IQANK1: variants seen among roughly 807,000 people sequenced by gnomAD.
IQANK1 encodes IQ motif and ankyrin repeat containing 1.
A neutral mutation model predicts 22.6 loss-of-function variants in IQANK1; 30 were observed. The observed-to-expected ratio is 1.33, with a 90% CI of 0.99 to 1.80. IQANK1 has a LOEUF of 1.80. IQANK1 is among the 40% of genes most tolerant of loss of function. The pLI, the probability that IQANK1 is intolerant of heterozygous loss-of-function variation, is 0.00. For missense variants in IQANK1, 275 were observed against 235.2 expected (o/e 1.17, Z -1.11); for synonymous variants, 122 against 99.6 (o/e 1.23, Z -1.34).
At chr8:143,770,085 G>A (rs1353793214) in intron 3 of IQANK1, among the ~76,000 whole-genome samples, 3 of 152,246 alleles carry the variant, frequency 2.0e-5, no homozygotes, top group African/African-American at 7.2e-5. Flanking sequence ...CTGGGTGACA[G>A]AGTGAGACCC....
intron 3 of IQANK1, chr8:143,744,034 A>C (rs1554626990): frequency 1.3e-5 from 4 of 303,340 alleles, no homozygotes; most frequent in Non-Finnish European, 2.6e-5. Flanking sequence ...GGGTTTCACC[A>C]TGTTGGCCAG....
intron 3 of IQANK1, among the ~76,000 whole-genome samples, chr8:143,756,513 A>G (rs1489369565): frequency 2.0e-5 from 3 of 151,968 alleles, no homozygotes; most frequent in Non-Finnish European, 4.4e-5. Context: ...ATCTTCATTC[A>G]TGGTACTCGG....
At position 143,771,837 on chromosome 8, in the gene IQANK1, G is replaced by A; in HGVS notation, c.343G>A (p.Ala115Thr). 1 of 395,660 alleles carries A rather than the reference G, an allele frequency of 2.5e-6. No homozygotes were observed. The highest frequency in any genetic ancestry group is 4.5e-6 in the Non-Finnish European group (1 of 224,152). The allele number at this position is 395,660 out of a possible 1,614,324, so 24.5% of individuals were successfully genotyped here. Residue 115 changes from alanine (A) to threonine (T), a missense_variant, in exon 5 of 14, where the codon GCG (alanine) becomes ACG (threonine). Coordinates refer to ENST00000527139, the MANE Select transcript of IQANK1 (RefSeq NM_001381874.1). The surrounding 1 kb of genome is among the most constrained non-coding windows in gnomAD (Gnocchi z 6.0). ...TCCGGTGCGCCGGGAGCAGGAGGCC[G>A]CGCGGCGGCTGCGCGAGCAGGAGGA... ...LAPVRREQEA[A>T]RRLREQEEAA...
rs868946131 is a variant in IQANK1, at chr8:143,751,666, A to G, written c.175+11718A>G. On this transcript the variant is annotated intron_variant, in intron 3 of 13. Coordinates refer to ENST00000527139, the MANE Select transcript of IQANK1 (RefSeq NM_001381874.1). ...TGTGTGTGTGTGTGTGTGTGTGTGTATATATATATATAAAATCCTATACAA... is the reference window on the plus strand; with the variant it reads ...TGTGTGTGTGTGTGTGTGTGTGTGTGTATATATATATAAAATCCTATACAA... Among the ~76,000 whole-genome samples, 447 of 113,552 alleles carry G rather than the reference A, an allele frequency of 3.9e-3. 9 individuals carry two copies. Among genetic ancestry groups the G allele is most frequent in the African/African-American group, 0.014 (428 of 31,040 alleles). The allele number at this position is 113,552 out of a possible 152,430, so 74.5% of individuals were successfully genotyped here.
At chr8:143,751,658 G>GTATATATATATATATATATATATATATA (rs1325258601) in intron 3 of IQANK1, among the ~76,000 whole-genome samples, 5 of 38,834 alleles carry the variant, frequency 1.3e-4, no homozygotes, top group Admixed American at 4.0e-4. Context: ...GTGTGTGTGT[G>GTATATATATATATATATATATATATATA]TGTGTGTATA....
chr8:143,742,118 G>A (rs1358452209), intron 3 of IQANK1: 2 of 342,798 alleles, frequency 5.8e-6, no homozygotes, highest in Admixed American at 3.8e-5. Context: ...CTTTGAGCTC[G>A]GTGTTCCCTG....
chr8:143,783,900 G>C (rs1203766627), intron 7 of IQANK1, among the ~76,000 whole-genome samples: 1 of 152,184 alleles, frequency 6.6e-6, no homozygotes, highest in Admixed American at 6.5e-5. Context: ...TTATAGCTCT[G>C]TTCTGGGATC....
intron 3 of IQANK1, among the ~76,000 whole-genome samples, chr8:143,748,893 ACTT>A (rs1819109893): frequency 8.8e-6 from 1 of 114,110 alleles, no homozygotes; most frequent in Admixed American, 1.1e-4. Context: ...TATCATAAAT[ACTT>A]AAAAATATAC....
chr8:143,787,668 C>G (rs1819917899), intron 7 of IQANK1, among the ~76,000 whole-genome samples: 1 of 152,190 alleles, frequency 6.6e-6, no homozygotes, highest in Non-Finnish European at 1.5e-5. Flanking sequence ...TGCCCCCGCT[C>G]TTTCCCCTCA....
At chr8:143,745,472 G>C (rs1342107241) in intron 3 of IQANK1, 1 of 152,290 alleles carries the variant, frequency 6.6e-6, no homozygotes, top group African/African-American at 2.4e-5. Context: ...GCCCAGGCTG[G>C]AGTGCAGTGG....
chr8:143,772,448 G>T lies in IQANK1; in HGVS notation c.755G>T (p.Arg252Leu). 2.5e-6 allele frequency: 1 copy of T among 399,310 alleles called. No homozygotes were observed. The highest frequency in any genetic ancestry group is 4.4e-6 in the Non-Finnish European group (1 of 226,326). The allele number at this position is 399,310 out of a possible 1,614,324, so 24.7% of individuals were successfully genotyped here. ...EVLLKLGADP[R>L]VYAEDGSTPE... ...CTCCTGAAGCTCGGAGCAGACCCCC[G>T]GGTGTACGCAGAGGACGGGAGCACC... The change falls in exon 7 of 14, where the codon CGG becomes CTG. Residue 252 changes from arginine to leucine, a missense_variant. Physicochemically the swap from Arg to Leu is moderately radical, Grantham distance 102. Transcript: ENST00000527139.
rs781797119 is a variant in IQANK1, at chr8:143,774,079, A to AT, written c.789+1597_789+1598insT. Among the ~76,000 whole-genome samples the AT allele has an allele frequency of 2.0e-5, 3 of 152,142 alleles. No homozygotes were observed. Among genetic ancestry groups the AT allele is most frequent in the Non-Finnish European group, 4.4e-5 (3 of 68,030 alleles). ...CAAAGTGGATTATAGATTTAAATGT[A>AT]AAGGGTAAAATTACAAAACTTTTAG... On this transcript the variant is annotated intron_variant, in intron 7 of 13. Transcript: ENST00000527139. The surrounding 1 kb of genome is among the most constrained non-coding windows in gnomAD (Gnocchi z 4.2).
Position 143,747,928 on chromosome 8 carries a change from C to CTTTCCTTTCT in IQANK1, c.175+7989_175+7990insTTTTCCTTTC, listed in dbSNP as rs1554627385. Among the ~76,000 whole-genome samples the CTTTCCTTTCT allele has an allele frequency of 2.4e-4, 28 of 118,414 alleles. 1 individual carries two copies. In the South Asian group the frequency reaches 7.0e-3, roughly 30 times the overall value. 77.7% of individuals were successfully genotyped at this position (118,414 alleles called of 152,430 possible). A position where few individuals can be genotyped will look rare whatever the true frequency, so the allele number is the denominator to read the frequency against. On this transcript the variant is annotated intron_variant, in intron 3 of 13. Coordinates refer to ENST00000527139, the MANE Select transcript of IQANK1 (RefSeq NM_001381874.1). ...GTGTTAAGTCCTTTCCTTTCCTTTC[C>CTTTCCTTTCT]TTTCCTTTCCTTTCCTTTCCTTTCC... is the stretch of plus-strand genomic sequence containing the variant.
intron 3 of IQANK1, among the ~76,000 whole-genome samples, chr8:143,757,000 A>G (rs1405390541): frequency 3.3e-5 from 5 of 152,000 alleles, no homozygotes; most frequent in African/African-American, 1.2e-4. Context: ...TCTTATGCAG[A>G]AAAGAGCATG....
At chr8:143,739,044 G>A (rs1818822767) in intron 2 of IQANK1, among the ~76,000 whole-genome samples, 1 of 152,200 alleles carries the variant, frequency 6.6e-6, no homozygotes, top group African/African-American at 2.4e-5. Flanking sequence ...ACTGATGTGG[G>A]GCCCCGAGGA....
chr8:143,749,192 T>C (rs1819127451), intron 3 of IQANK1, among the ~76,000 whole-genome samples: 1 of 123,074 alleles, frequency 8.1e-6, no homozygotes, highest in Admixed American at 9.3e-5. Context: ...TAAATATATA[T>C]CATATATAAA....
In IQANK1 at chr8:143,771,669, G is replaced by A. The variant is rs1229512355; in HGVS notation, c.306+51G>A. 1.3e-5 allele frequency: 5 copies of A among 399,464 alleles called. No individual in the cohort carries two copies. Among genetic ancestry groups the A allele is most frequent in the African/African-American group, 6.2e-5 (3 of 48,576 alleles). The allele number at this position is 399,464 out of a possible 1,614,324, so 24.7% of individuals were successfully genotyped here. On this transcript the variant is annotated intron_variant, in intron 4 of 13. Transcript: ENST00000527139. The surrounding 1 kb of genome is among the most constrained non-coding windows in gnomAD (Gnocchi z 6.0). ...GGGGGCCAGGCAGGAGGCAGGGGGA[G>A]GAAATGGCGAAGCAGGGTGCGTGGT...
At chr8:143,767,915 G>A (rs1345304655) in intron 3 of IQANK1, among the ~76,000 whole-genome samples, 3 of 109,202 alleles carry the variant, frequency 2.7e-5, no homozygotes, top group East Asian at 3.0e-4. Context: ...ACAGAGTCTC[G>A]CTCTGTCGCC....
chr8:143,767,099 ATTC>A (rs1422790715), intron 3 of IQANK1, among the ~76,000 whole-genome samples: 1 of 152,222 alleles, frequency 6.6e-6, no homozygotes. Context: ...CTCTCACCGA[ATTC>A]TTCTTTGAAT....
Sources: allele counts gnomAD v4.1 joint callset (sites outside exome capture counted in the v4.1 genomes callset), GRCh38; gene constraint gnomAD v4.1.1; non-coding constraint Gnocchi (gnomAD v3.1); transcripts MANE v1.5; gene names NCBI Gene and HGNC (gene_info 2026-07-23, HGNC 2026-07-21).